Variants in BAZ2B observed in about 807,000 individuals in gnomAD.
BAZ2B encodes bromodomain adjacent to zinc finger domain protein 2B.
Under a neutral mutation model 246.0 loss-of-function variants are expected in BAZ2B, and 91 were observed. That is an observed-to-expected ratio of 0.37 (90% CI 0.31 to 0.44). BAZ2B has a LOEUF of 0.44. Among genes scored for constraint, BAZ2B ranks in the 20% least tolerant of loss-of-function variants. The pLI is 1.00. For missense variants in BAZ2B, 2,332 were observed against 2,533.7 expected (o/e 0.92, Z 1.71); for synonymous variants, 855 against 860.0 (o/e 0.99, Z 0.10).
At chr2:159,510,587 T>C (rs1488512442) in intron 2 of BAZ2B, among the ~76,000 whole-genome samples, 1 of 152,174 alleles carries the variant, frequency 6.6e-6, no homozygotes, top group Non-Finnish European at 1.5e-5. Context: ...CTGGATTGTG[T>C]AGATAAAAAT....
intron 2 of BAZ2B, among the ~76,000 whole-genome samples, chr2:159,505,943 ACTAT>A (rs1206021525): frequency 2.6e-5 from 4 of 152,198 alleles, no homozygotes; most frequent in African/African-American, 9.7e-5. Context: ...TACATTATAA[ACTAT>A]CTACCCGGTG....
the BAZ2B span, chr2:159,689,216 T>C: frequency 8.5e-6 from 4 of 469,442 alleles, no homozygotes; most frequent in Non-Finnish European, 1.5e-5. Flanking sequence ...GTCTGAACTT[T>C]AAACAGATTC....
At chr2:159,399,580 A>G (rs2064640153) in intron 17 of BAZ2B, among the ~76,000 whole-genome samples, 1 of 152,172 alleles carries the variant, frequency 6.6e-6, no homozygotes. Flanking sequence ...TCTTAAAATC[A>G]TTAACTGTGT....
chr2:159,501,205 T>TATATATTATATATATATTTA (rs2081751946), intron 2 of BAZ2B, among the ~76,000 whole-genome samples: 2 of 75,400 alleles, frequency 2.7e-5, no homozygotes, highest in African/African-American at 4.8e-5. Context: ...ATATATATTT[T>TATATATTATATATATATTTA]TATATATATT....
At chr2:159,604,960 G>A (rs1285693311) in intron 1 of BAZ2B, among the ~76,000 whole-genome samples, 1 of 152,172 alleles carries the variant, frequency 6.6e-6, no homozygotes, top group East Asian at 1.9e-4. Context: ...GTGCGCGTGT[G>A]TGCGCGCGCT....
chr2:159,490,840 C>A (rs866009672), intron 2 of BAZ2B, among the ~76,000 whole-genome samples: 1 of 152,110 alleles, frequency 6.6e-6, no homozygotes, highest in African/African-American at 2.4e-5. Flanking sequence ...CATTGCAAAC[C>A]TCTGGAGCTC....
intron 25 of BAZ2B, among the ~76,000 whole-genome samples, chr2:159,376,609 T>C (rs1490404179): frequency 1.3e-5 from 2 of 152,216 alleles, no homozygotes; most frequent in African/African-American, 4.8e-5. Flanking sequence ...TGAATATTTA[T>C]ATATAGATTC....
intron 3 of BAZ2B, among the ~76,000 whole-genome samples, chr2:159,457,204 G>A (rs1415028713): frequency 6.6e-6 from 1 of 152,114 alleles, no homozygotes; most frequent in Non-Finnish European, 1.5e-5. Context: ...CTACAAGGAT[G>A]AGTAAGACAA....
At chr2:159,583,441 G>C (rs976846719) in intron 1 of BAZ2B, among the ~76,000 whole-genome samples, 2 of 152,136 alleles carry the variant, frequency 1.3e-5, no homozygotes, top group African/African-American at 4.8e-5. Context: ...CATAAATTGA[G>C]CAAACATCAT....
At chr2:159,532,845 A>T (rs2085516307) in intron 2 of BAZ2B, among the ~76,000 whole-genome samples, 1 of 152,216 alleles carries the variant, frequency 6.6e-6, no homozygotes, top group African/African-American at 2.4e-5. Context: ...AGTACGGAGA[A>T]GGAAATGAGA....
rs781407982 is a variant in BAZ2B, at chr2:159,439,031, G to C, written c.878C>G (p.Ala293Gly). ...TACCTGGTTGTTACTTTTATGTTGTGCTTCACTCTCTGAATCAGAATCATC... is the reference window on the plus strand; with the variant it reads ...TACCTGGTTGTTACTTTTATGTTGTCCTTCACTCTCTGAATCAGAATCATC... ...EDDDSDSESE[A>G]QHKSNNQVLL... Residue 293 changes from alanine (A) to glycine (G), a missense_variant, in exon 7 of 37, where the codon GCA becomes GGA. Coordinates refer to ENST00000392783, the MANE Select transcript of BAZ2B (RefSeq NM_013450.4). 1.2e-6 allele frequency: 2 copies of C among 1,613,528 alleles called. No homozygotes were observed. The highest frequency in any genetic ancestry group is 2.2e-5 in the South Asian group (2 of 91,062).
At chr2:159,665,787 C>T in the BAZ2B span, among the ~76,000 whole-genome samples, 9 of 152,246 alleles carry the variant, frequency 5.9e-5, no homozygotes, top group Admixed American at 4.6e-4. Context: ...AGGACATAGG[C>T]GTGTCAAACC....
chr2:159,364,885 C>T (rs1322946878), intron 27 of BAZ2B, among the ~76,000 whole-genome samples: 2 of 152,146 alleles, frequency 1.3e-5, no homozygotes, highest in African/African-American at 4.8e-5. Context: ...TACTGCACAA[C>T]ACCATTTCAC....
chr2:159,421,402 C>T (rs544213417), intron 13 of BAZ2B, among the ~76,000 whole-genome samples: 17 of 151,938 alleles, frequency 1.1e-4, no homozygotes, highest in Middle Eastern at 3.2e-3. Context: ...CTTGAACTCC[C>T]GGACTTAAGC....
intron 3 of BAZ2B, among the ~76,000 whole-genome samples, chr2:159,474,803 C>G (rs1237176960): frequency 6.6e-6 from 1 of 152,096 alleles, no homozygotes; most frequent in African/African-American, 2.4e-5. Context: ...TTTATTTCTC[C>G]TTCGCTGTTG....
At chr2:159,343,032 G>A (rs1391253385) in intron 31 of BAZ2B, among the ~76,000 whole-genome samples, 7 of 152,190 alleles carry the variant, frequency 4.6e-5, no homozygotes, top group Non-Finnish European at 4.4e-5. Flanking sequence ...CAAAGCTGTA[G>A]TAATCAGAAC....
At chr2:159,631,982 A>G in the BAZ2B span, among the ~76,000 whole-genome samples, 1 of 152,304 alleles carries the variant, frequency 6.6e-6, no homozygotes, top group African/African-American at 2.4e-5. Flanking sequence ...GTCCTTTAAC[A>G]GTTATAGGTA....
intron 1 of BAZ2B, among the ~76,000 whole-genome samples, chr2:159,557,051 T>C (rs1170687059): frequency 6.6e-6 from 1 of 152,056 alleles, no homozygotes; most frequent in Non-Finnish European, 1.5e-5. Context: ...TCCTACCAAC[T>C]ACTCTTCGTC....
intron 27 of BAZ2B, among the ~76,000 whole-genome samples, chr2:159,361,770 C>A (rs956097117): frequency 1.3e-5 from 2 of 152,228 alleles, no homozygotes; most frequent in Admixed American, 1.3e-4. Flanking sequence ...GAATACTATG[C>A]AGCCATAAAA....
Sources: allele counts gnomAD v4.1 joint callset (sites outside exome capture counted in the v4.1 genomes callset), GRCh38; gene constraint gnomAD v4.1.1; transcripts MANE v1.5; gene names NCBI Gene and HGNC (gene_info 2026-07-23, HGNC 2026-07-21).